The following CFAP58 variants were observed in gnomAD, a reference collection of about 807,000 sequenced individuals.
The protein encoded by CFAP58 is cilia- and flagella-associated protein 58.
CFAP58 carries 88 observed loss-of-function variants against 119.5 expected under a neutral mutation model. That is an observed-to-expected ratio of 0.74 (90% CI 0.62 to 0.88). CFAP58 has a LOEUF of 0.88. Ranked by LOEUF, CFAP58 falls within the 40% of genes least tolerant of loss-of-function variation. The pLI, the probability that CFAP58 is intolerant of heterozygous loss-of-function variation, is 0.00. For missense variants in CFAP58, 990 were observed against 1,021.2 expected (o/e 0.97, Z 0.42); for synonymous variants, 365 against 366.3 (o/e 1.00, Z 0.04).
intron 9 of CFAP58, among the ~76,000 whole-genome samples, chr10:104,388,104 T>C (rs544887845): frequency 2.6e-5 from 4 of 152,218 alleles, no homozygotes; most frequent in Non-Finnish European, 5.9e-5. Context: ...GCCTCTGTAA[T>C]TGGGTAGAAT....
chr10:104,366,076 T>C, intron 5 of CFAP58, 68 bp downstream of exon 5: 1 of 1,340,008 alleles, frequency 7.5e-7, no homozygotes, highest in Non-Finnish European at 9.9e-7. Flanking sequence ...TTCACCCTTT[T>C]GTGCATTTTG....
At chr10:104,360,105 C>T (rs2135247963) in intron 2 of CFAP58, among the ~76,000 whole-genome samples, 1 of 152,336 alleles carries the variant, frequency 6.6e-6, no homozygotes, top group African/African-American at 2.4e-5. Context: ...CTCTTCCACC[C>T]ATTTTATTCC....
upstream of CFAP58, among the ~76,000 whole-genome samples, chr10:104,350,163 C>T (rs1434258642): frequency 8.5e-5 from 13 of 152,198 alleles, no homozygotes; most frequent in Non-Finnish European, 1.9e-4. Context: ...TCTTCAACTC[C>T]TTTTGTATTC....
upstream of CFAP58, among the ~76,000 whole-genome samples, chr10:104,350,186 A>G (rs1038607210): frequency 4.6e-5 from 7 of 152,222 alleles, no homozygotes; most frequent in Non-Finnish European, 8.8e-5. Flanking sequence ...TCTCCACAGT[A>G]TGCAACATAG....
At chr10:104,375,720 G>A (rs1465125890) in intron 7 of CFAP58, among the ~76,000 whole-genome samples, 2 of 149,050 alleles carry the variant, frequency 1.3e-5, no homozygotes, top group Admixed American at 6.8e-5. Flanking sequence ...GACATCAATC[G>A]AATACGTTTA....
At chr10:104,447,382 A>G (rs895973492) in intron 15 of CFAP58, among the ~76,000 whole-genome samples, 1 of 152,094 alleles carries the variant, frequency 6.6e-6, no homozygotes, top group Non-Finnish European at 1.5e-5. Context: ...AACCAGAGTC[A>G]GTCACTCCCT....
the CFAP58 span, among the ~76,000 whole-genome samples, chr10:104,343,753 T>C: frequency 6.6e-6 from 1 of 152,208 alleles, no homozygotes; most frequent in African/African-American, 2.4e-5. Context: ...AAAATGCTTA[T>C]TTATTTATTT....
chr10:104,349,400 T>G (rs2014434390), upstream of CFAP58, among the ~76,000 whole-genome samples: 1 of 152,252 alleles, frequency 6.6e-6, no homozygotes, highest in Admixed American at 6.5e-5. Context: ...ATAGTCTCCT[T>G]TTCACTGTCA....
intron 15 of CFAP58, among the ~76,000 whole-genome samples, chr10:104,426,090 G>A (rs2012740011): frequency 6.6e-6 from 1 of 152,132 alleles, no homozygotes; most frequent in Non-Finnish European, 1.5e-5. Flanking sequence ...AAATTGGCTG[G>A]ATGTGGCAGT....
intron 9 of CFAP58, among the ~76,000 whole-genome samples, chr10:104,385,422 A>C (rs1202361345): frequency 6.6e-6 from 1 of 152,192 alleles, no homozygotes; most frequent in Non-Finnish European, 1.5e-5. Flanking sequence ...AGTTGGACAA[A>C]ATAAGAATCA....
At chr10:104,393,751 A>G (rs118064182) in intron 11 of CFAP58, among the ~76,000 whole-genome samples, 1 of 152,214 alleles carries the variant, frequency 6.6e-6, no homozygotes, top group African/African-American at 2.4e-5. Flanking sequence ...GCTATCATAC[A>G]TCAGTGGGAG....
At chr10:104,367,806 A>C (rs2014771907) in intron 5 of CFAP58, among the ~76,000 whole-genome samples, 1 of 152,194 alleles carries the variant, frequency 6.6e-6, no homozygotes, top group South Asian at 2.1e-4. Context: ...CCAAGATATA[A>C]TCCTTTGTTT....
chr10:104,393,543 A>G, intron 11 of CFAP58, 68 bp downstream of exon 11: 1 of 1,495,616 alleles, frequency 6.7e-7, no homozygotes, highest in Admixed American at 2.0e-5. Context: ...CTCCAGTCTC[A>G]CTGAAGGCAG....
chr10:104,339,256 C>T, the CFAP58 span, among the ~76,000 whole-genome samples: 2 of 152,160 alleles, frequency 1.3e-5, no homozygotes, highest in African/African-American at 2.4e-5. Context: ...GAACAGTGAC[C>T]GGATACTGTA....
At chr10:104,451,283 C>T (rs1369140844) in intron 17 of CFAP58, among the ~76,000 whole-genome samples, 1 of 152,170 alleles carries the variant, frequency 6.6e-6, no homozygotes, top group Non-Finnish European at 1.5e-5. Flanking sequence ...TAACTGGATG[C>T]AAATTCATTT....
At chr10:104,368,222 G>A in intron 5 of CFAP58, among the ~76,000 whole-genome samples, 1 of 152,190 alleles carries the variant, frequency 6.6e-6, no homozygotes, top group East Asian at 1.9e-4. Flanking sequence ...TCATTAGAAG[G>A]CATCATTTTC....
At chr10:104,439,976 G>C (rs1013036357) in intron 15 of CFAP58, among the ~76,000 whole-genome samples, 6 of 152,126 alleles carry the variant, frequency 3.9e-5, no homozygotes, top group Non-Finnish European at 5.9e-5. Flanking sequence ...CCCGCCACCA[G>C]GCCCGGCTAA....
intron 15 of CFAP58, among the ~76,000 whole-genome samples, chr10:104,418,929 G>T (rs985732694): frequency 6.6e-6 from 1 of 152,164 alleles, no homozygotes; most frequent in East Asian, 1.9e-4. Flanking sequence ...ACAGAAGCCT[G>T]TCTGTGGGTT....
rs756285571 is a variant in CFAP58, at chr10:104,393,360, A to G, written c.1559A>G (p.Lys520Arg). 40 of 1,613,846 alleles carry G rather than the reference A, an allele frequency of 2.5e-5. No homozygotes were observed. Among genetic ancestry groups the G allele is most frequent in the Non-Finnish European group, 3.3e-5 (39 of 1,179,860 alleles). Reference protein sequence around the residue: ...DEITDMKRKLKIMIHQVDELK... With the variant: ...DEITDMKRKLRIMIHQVDELK... ...ATAACAGATATGAAGAGAAAGTTAAAGATTATGATCCATCAGGTAGATGAG... is the reference window on the plus strand; with the variant it reads ...ATAACAGATATGAAGAGAAAGTTAAGGATTATGATCCATCAGGTAGATGAG... The change falls in exon 11 of 18, where the codon AAG becomes AGG. Residue 520 changes from lysine to arginine, a missense_variant. Lys to Arg is a conservative substitution (Grantham distance 26). Coordinates refer to ENST00000369704, the MANE Select transcript of CFAP58 (RefSeq NM_001008723.2).
Sources: allele counts gnomAD v4.1 joint callset (sites outside exome capture counted in the v4.1 genomes callset), GRCh38; gene constraint gnomAD v4.1.1; transcripts MANE v1.5; gene names NCBI Gene and HGNC (gene_info 2026-07-23, HGNC 2026-07-21).